RET: variants seen among roughly 807,000 people sequenced by gnomAD.
RET encodes the protein ret proto-oncogene.
Under a neutral mutation model 118.3 loss-of-function variants are expected in RET, and 19 were observed. The ratio of observed to expected loss-of-function variants is 0.16; its 90% CI spans 0.11 to 0.24. The LOEUF (loss-of-function observed/expected upper bound fraction) is 0.24, where lower values mean the gene tolerates loss of function less well. Ranked by LOEUF, RET falls within the 10% of genes least tolerant of loss-of-function variation. RET has a pLI of 1.00. For synonymous variants in RET, 597 were observed against 644.1 expected (o/e 0.93, Z 1.11); for missense variants, 1,219 against 1,502.1 (o/e 0.81, Z 3.12).
intron 1 of RET, among the ~76,000 whole-genome samples, chr10:43,082,693 G>C (rs1178699876): frequency 2.0e-5 from 3 of 152,242 alleles, no homozygotes; most frequent in African/African-American, 7.2e-5. Flanking sequence ...GGCAGGAGCA[G>C]GACAGTGGCC....
At position 43,119,560 on chromosome 10, in the gene RET, A is replaced by G. The variant is rs1372786615; in HGVS notation, c.2422A>G (p.Lys808Glu). ...GPLLLIVEYA[K>E]YGSLRGFLRE... ...GCTCCTCCTCATCGTGGAGTACGCC[A>G]AATACGGCTCCCTGCGGGGCTTCCT... The change falls in exon 14 of 20, where the codon AAA becomes GAA. Residue 808 changes from lysine to glutamate, a missense_variant. Coordinates refer to ENST00000355710, the MANE Select transcript of RET (RefSeq NM_020975.6). 2.5e-6 allele frequency: 4 copies of G among 1,608,920 alleles called. No individual in the cohort carries two copies. The highest frequency in any genetic ancestry group is 3.4e-6 in the Non-Finnish European group (4 of 1,179,060).
intron 15 of RET, 21 bp downstream of exon 15, chr10:43,120,224 G>C (rs1838184218): frequency 1.9e-6 from 3 of 1,611,560 alleles, no homozygotes; most frequent in Admixed American, 1.7e-5. Context: ...CCGGGGATGA[G>C]GCGGGGCTCC....
chr10:43,120,044 G>T (rs766891010), intron 14 of RET, 37 bp from the exon 15 acceptor site: 2 of 1,611,182 alleles, frequency 1.2e-6, no homozygotes, highest in South Asian at 2.2e-5. Flanking sequence ...CTGCTGCCTG[G>T]CCATGGCCTG....
intron 18 of RET, among the ~76,000 whole-genome samples, chr10:43,125,335 A>G (rs1190305284): frequency 6.6e-6 from 1 of 152,230 alleles, no homozygotes; most frequent in East Asian, 1.9e-4. Context: ...TCAGATGCCC[A>G]GAGGGGGGTC....
intron 18 of RET, among the ~76,000 whole-genome samples, chr10:43,125,592 T>C (rs1838312186): frequency 6.6e-6 from 1 of 152,224 alleles, no homozygotes; most frequent in Non-Finnish European, 1.5e-5. Flanking sequence ...TCAGCCTGTG[T>C]GCCTGGAAGT....
chr10:43,106,244 C>T lies in RET; in HGVS notation c.868-132C>T. The T allele has an allele frequency of 1.1e-6, 1 of 927,578 alleles. No homozygotes were observed. The highest frequency in any genetic ancestry group is 2.0e-5 in the Admixed American group (1 of 50,358). The allele number at this position is 927,578 out of a possible 1,614,324, so 57.5% of individuals were successfully genotyped here. On this transcript the variant is annotated intron_variant, in intron 4 of 19. Coordinates refer to ENST00000355710, the MANE Select transcript of RET (RefSeq NM_020975.6). The surrounding 1 kb of genome is among the most constrained non-coding windows in gnomAD (Gnocchi z 5.1). Reference sequence around the variant, plus strand: ...GAACCCAGGTCAGACTGTCCCCAGACCTGGCTCTGACAACACACATCTGGT... The same window carrying T: ...GAACCCAGGTCAGACTGTCCCCAGATCTGGCTCTGACAACACACATCTGGT...
At chr10:43,084,177 C>A (rs982703120) in intron 1 of RET, among the ~76,000 whole-genome samples, 1 of 152,190 alleles carries the variant, frequency 6.6e-6, no homozygotes, top group Non-Finnish European at 1.5e-5. Flanking sequence ...AAAATGCTGC[C>A]AGGGACATTC....
chr10:43,089,648 C>G (rs1283721216), intron 1 of RET, among the ~76,000 whole-genome samples: 2 of 152,224 alleles, frequency 1.3e-5, no homozygotes, highest in Admixed American at 1.3e-4. Context: ...GGGCCGACAG[C>G]ATTGTGTCGG....
At chr10:43,123,965 CAGT>C (rs2133009104) in intron 17 of RET, among the ~76,000 whole-genome samples, 157 bp downstream of exon 17, 1 of 152,194 alleles carries the variant, frequency 6.6e-6, no homozygotes, top group East Asian at 1.9e-4. Flanking sequence ...TTGGGTGTGG[CAGT>C]AGATGCTGGG....
chr10:43,114,377 G>T lies in RET; in HGVS notation c.1880-103G>T. The T allele has an allele frequency of 6.6e-7, 1 of 1,511,610 alleles. No individual in the cohort carries two copies. The highest frequency in any genetic ancestry group is 9.0e-7 in the Non-Finnish European group (1 of 1,112,976). The allele number at this position is 1,511,610 out of a possible 1,614,324, so 93.6% of individuals were successfully genotyped here. ...TCCATGGCCACTTCCCAGCTGGCGC[G>T]GACACGGCAGGCTGGAGAGCCATGA... On this transcript the variant is annotated intron_variant, in intron 10 of 19. Transcript: ENST00000355710. This position sits in a 1 kb window ranked among gnomAD's most constrained non-coding sequence, Gnocchi z 4.6.
At chr10:43,097,258 C>T (rs1837540964) in intron 1 of RET, among the ~76,000 whole-genome samples, 3 of 152,192 alleles carry the variant, frequency 2.0e-5, no homozygotes, top group Non-Finnish European at 2.9e-5. Flanking sequence ...GTGGGATTCC[C>T]AGACTGGATC....
intron 1 of RET, among the ~76,000 whole-genome samples, chr10:43,082,335 A>G (rs1279856470): frequency 6.6e-6 from 1 of 152,140 alleles, no homozygotes; most frequent in Non-Finnish European, 1.5e-5. Context: ...CTCCAAGCAA[A>G]CACCTCTGTT....
At chr10:43,111,640 A>G (rs1024609992) in intron 7 of RET, among the ~76,000 whole-genome samples, 175 bp downstream of exon 7, 1 of 152,256 alleles carries the variant, frequency 6.6e-6, no homozygotes, top group Admixed American at 6.5e-5. Flanking sequence ...TCCAGATAAC[A>G]TACAGGACCT....
intron 2 of RET, among the ~76,000 whole-genome samples, chr10:43,101,129 C>T (rs1837633930): frequency 6.6e-6 from 1 of 151,988 alleles, no homozygotes; most frequent in Admixed American, 6.5e-5. Context: ...GACTTCTTAT[C>T]AGCAGCTGGC....
intron 15 of RET, among the ~76,000 whole-genome samples, chr10:43,121,660 G>A (rs752739875): frequency 6.6e-6 from 1 of 152,178 alleles, no homozygotes; most frequent in African/African-American, 2.4e-5. Flanking sequence ...CCATGCATAG[G>A]GAAGCACTGC....
chr10:43,129,947 T>A lies in RET; in HGVS notation c.*1678T>A, dbSNP rs1247996458. The stretch of plus-strand genomic sequence containing the variant: ...TATGCTTAATGATAGTCTTACTAAA[T>A]GCAGAAATAAGAATAAACTTTCTCA... On this transcript the variant is annotated 3_prime_UTR_variant, in exon 20 of 20. Coordinates refer to ENST00000355710, the MANE Select transcript of RET (RefSeq NM_020975.6). 2.5e-6 allele frequency: 1 copy of A among 398,910 alleles called. No homozygotes were observed. The highest frequency in any genetic ancestry group is 2.1e-5 in the African/African-American group (1 of 48,622). The allele number at this position is 398,910 out of a possible 1,614,324, so 24.7% of individuals were successfully genotyped here.
chr10:43,085,022 G>A lies in RET; in HGVS notation c.73+7691G>A, dbSNP rs542227073. On this transcript the variant is annotated intron_variant, in intron 1 of 19. Transcript: ENST00000355710. Reference sequence around the variant, plus strand: ...TTGATTATCATCATTGCCGTGGTGTGATGTCATGCTGCCAGGCCCTGGGGC... The same window carrying A: ...TTGATTATCATCATTGCCGTGGTGTAATGTCATGCTGCCAGGCCCTGGGGC... 1.8e-4 allele frequency among the ~76,000 whole-genome samples: 27 copies of A among 152,328 alleles called. 1 individual carries two copies. The South Asian group carries it at 5.4e-3, about 30-fold the overall frequency.
intron 16 of RET, 79 bp from the exon 17 acceptor site, chr10:43,123,592 G>A: frequency 1.3e-6 from 2 of 1,585,654 alleles, no homozygotes; most frequent in Middle Eastern, 1.7e-4. Flanking sequence ...GCTTGGTGGT[G>A]GGGGTGGATA....
At chr10:43,122,188 T>C (rs539973458) in intron 16 of RET, among the ~76,000 whole-genome samples, 172 bp downstream of exon 16, 1 of 152,234 alleles carries the variant, frequency 6.6e-6, no homozygotes, top group Non-Finnish European at 1.5e-5. Flanking sequence ...GCCTTCATGA[T>C]GTGTTCGTGA....
Sources: allele counts gnomAD v4.1 joint callset (sites outside exome capture counted in the v4.1 genomes callset), GRCh38; gene constraint gnomAD v4.1.1; non-coding constraint Gnocchi (gnomAD v3.1); transcripts MANE v1.5; gene names NCBI Gene and HGNC (gene_info 2026-07-23, HGNC 2026-07-21).